The following ZNF385D variants were observed in gnomAD, a reference collection of about 807,000 sequenced individuals.
ZNF385D encodes zinc finger protein 659.
A neutral mutation model predicts 35.8 loss-of-function variants in ZNF385D; 15 were observed. The ratio of observed to expected loss-of-function variants is 0.42; its 90% confidence interval spans 0.28 to 0.64. The LOEUF is 0.64. Ranked by LOEUF, ZNF385D falls within the 30% of genes least tolerant of loss-of-function variation. The pLI, the probability that ZNF385D is intolerant of heterozygous loss-of-function variation, is 0.23. For synonymous variants in ZNF385D, 212 were observed against 186.8 expected (o/e 1.13, Z -1.10); for missense variants, 474 against 494.6 (o/e 0.96, Z 0.39).
intron 2 of ZNF385D, among the ~76,000 whole-genome samples, chr3:22,322,745 GT>G (rs1694499912): frequency 6.6e-6 from 1 of 152,010 alleles, no homozygotes; most frequent in African/African-American, 2.4e-5. Context: ...TCCTCTGTAT[GT>G]TTCTACCTTT....
At chr3:22,133,827 G>A (rs1001288034) in intron 3 of ZNF385D, 10 of 151,838 alleles carry the variant, frequency 6.6e-5, no homozygotes, top group Middle Eastern at 3.4e-3. Context: ...CACAAACAAA[G>A]CATCTGTGGA....
At chr3:21,430,529 G>T (rs1701247043) in intron 5 of ZNF385D, among the ~76,000 whole-genome samples, 1 of 152,074 alleles carries the variant, frequency 6.6e-6, no homozygotes, top group Non-Finnish European at 1.5e-5. Context: ...AGAACACATG[G>T]CTTATCTGAT....
intron 3 of ZNF385D, among the ~76,000 whole-genome samples, chr3:21,965,405 G>A (rs1470742705): frequency 6.6e-6 from 1 of 152,038 alleles, no homozygotes; most frequent in African/African-American, 2.4e-5. Context: ...ACATTTCCTA[G>A]ACATAACGTG....
chr3:21,759,859 C>G (rs2070522272), intron 3 of ZNF385D, among the ~76,000 whole-genome samples: 1 of 152,150 alleles, frequency 6.6e-6, no homozygotes. Flanking sequence ...CATGAACATT[C>G]CATTTTTATA....
intron 3 of ZNF385D, among the ~76,000 whole-genome samples, chr3:21,994,956 G>C (rs1262483754): frequency 2.0e-5 from 3 of 152,208 alleles, no homozygotes; most frequent in Admixed American, 1.3e-4. Context: ...GTAAACACTT[G>C]AGCCCTCAGA....
chr3:22,074,430 T>G (rs1413797584), intron 3 of ZNF385D, among the ~76,000 whole-genome samples: 1 of 151,954 alleles, frequency 6.6e-6, no homozygotes, highest in East Asian at 1.9e-4. Context: ...CAAAAAACAT[T>G]GAGCCCAATG....
At chr3:21,744,189 A>G (rs1047293281) in intron 1 of ZNF385D, among the ~76,000 whole-genome samples, 2 of 152,332 alleles carry the variant, frequency 1.3e-5, no homozygotes, top group East Asian at 3.9e-4. Context: ...AGGAATAATT[A>G]TATTTTGTCT....
intron 2 of ZNF385D, among the ~76,000 whole-genome samples, chr3:22,181,418 CG>C (rs1695261107): frequency 6.6e-6 from 1 of 151,886 alleles, no homozygotes; most frequent in Non-Finnish European, 1.5e-5. Flanking sequence ...TAAAGGTGGC[CG>C]GGCGCGGTGT....
chr3:22,136,744 A>G (rs1301099907), intron 3 of ZNF385D, among the ~76,000 whole-genome samples: 1 of 152,168 alleles, frequency 6.6e-6, no homozygotes, highest in African/African-American at 2.4e-5. Flanking sequence ...AAAATGAAAT[A>G]TTATTCAGTG....
chr3:21,475,266 T>A (rs1022177684), intron 4 of ZNF385D, among the ~76,000 whole-genome samples: 4 of 152,102 alleles, frequency 2.6e-5, no homozygotes, highest in Non-Finnish European at 4.4e-5. Context: ...CTAATAATTA[T>A]ACTGGGAATT....
In ZNF385D at chr3:21,572,949, C is replaced by CT. The variant is rs11302141; in HGVS notation, c.166-8266dup. ...TCACAATATCCCTAGGAAGTAGACA[C>CT]TTTTTTTTTTACTCCATTTTTTATA... On this transcript the variant is annotated intron_variant, in intron 2 of 7. Transcript: ENST00000281523. Among the ~76,000 whole-genome samples, 7 of 151,172 alleles carry CT rather than the reference C, an allele frequency of 4.6e-5. No individual in the cohort carries two copies. In the East Asian group the frequency reaches 5.8e-4, roughly 13 times the overall value.
chr3:22,343,777 A>AT (rs1311939130), intron 2 of ZNF385D, among the ~76,000 whole-genome samples: 1 of 152,014 alleles, frequency 6.6e-6, no homozygotes, highest in Non-Finnish European at 1.5e-5. Context: ...ATATTTTACT[A>AT]TTTTTTTCTT....
rs529641939 is a variant in ZNF385D at position 21,893,195 on chromosome 3, T to G, written c.326-228167A>C. 1.1e-4 allele frequency among the ~76,000 whole-genome samples: 17 copies of G among 152,202 alleles called. No homozygotes were observed. The East Asian group carries it at 3.1e-3, about 28-fold the overall frequency. ...TATTGTTGATGTGGAAGAGTATTGG[T>G]AGATTAGAAGCATTGTAGACATAAG... is the stretch of plus-strand genomic sequence containing the variant. On this transcript the variant is annotated intron_variant, in intron 3 of 5. Transcript: ENST00000494108.
chr3:21,934,634 T>G (rs1249087051), intron 3 of ZNF385D, among the ~76,000 whole-genome samples: 1 of 152,136 alleles, frequency 6.6e-6, no homozygotes, highest in Non-Finnish European at 1.5e-5. Context: ...AGATTACAAT[T>G]AAAAAATTGA....
At chr3:21,881,233 C>G (rs1364757820) in intron 3 of ZNF385D, among the ~76,000 whole-genome samples, 2 of 151,734 alleles carry the variant, frequency 1.3e-5, no homozygotes, top group Admixed American at 1.3e-4. Flanking sequence ...ACTTTCATAG[C>G]TCTAAGGAAG....
chr3:21,723,726 T>A (rs549243013), intron 1 of ZNF385D, among the ~76,000 whole-genome samples: 1 of 152,158 alleles, frequency 6.6e-6, no homozygotes, highest in South Asian at 2.1e-4. Flanking sequence ...AAAACACTCT[T>A]CAGGATATTA....
In ZNF385D at chr3:22,010,698, G is replaced by A. The variant is rs187008047; in HGVS notation, c.325+158119C>T. Among the ~76,000 whole-genome samples the A allele has an allele frequency of 1.4e-3, 206 of 152,174 alleles. 1 individual carries two copies. Among genetic ancestry groups the A allele is most frequent in the Admixed American group, 0.012 (178 of 15,286 alleles). On this transcript the variant is annotated intron_variant, in intron 3 of 5. Transcript: ENST00000494108. ...CCAAAATGGATCCCAGACTCACCTC[G>A]CTCAGAGCCAGAAGAGAACCAGGTG...
intron 2 of ZNF385D, among the ~76,000 whole-genome samples, chr3:22,252,106 A>T (rs906390272): frequency 6.6e-6 from 1 of 152,098 alleles, no homozygotes. Context: ...CATTTCCATA[A>T]CTAAAGACTT....
intron 1 of ZNF385D, among the ~76,000 whole-genome samples, chr3:21,694,044 T>A (rs1473485150): frequency 1.1e-4 from 8 of 70,362 alleles, no homozygotes; most frequent in African/African-American, 3.7e-4. Flanking sequence ...ACGCCTGGCT[T>A]TTTTTTTTTT....
Sources: gnomAD v4.1 joint callset for allele counts (sites outside exome capture counted in the v4.1 genomes callset) on GRCh38, gnomAD v4.1.1 for gene constraint, MANE v1.5 for transcripts, NCBI Gene and HGNC (gene_info 2026-07-23, HGNC 2026-07-21) for gene names.